The following SH3KBP1 variants were observed in gnomAD, a reference collection of about 807,000 sequenced individuals.
SH3KBP1 encodes the protein SH3 domain containing kinase binding protein 1.
Under a neutral mutation model 50.1 loss-of-function variants are expected in SH3KBP1, and 8 were observed. That is an observed-to-expected ratio of 0.16 (90% CI 0.09 to 0.29). SH3KBP1 has a LOEUF of 0.29. SH3KBP1 is among the 10% of genes least tolerant of loss of function. The probability of loss-of-function intolerance (pLI) is 1.00; values close to 1 mark genes in which losing one functional copy is unlikely to be tolerated. For synonymous variants in SH3KBP1, 227 were observed against 218.6 expected, an observed-to-expected ratio of 1.04 and a Z score of -0.34; for missense variants, 377 against 535.2, an observed-to-expected ratio of 0.70 and a Z score of 2.92.
chrX:19,544,133 A>G (rs1602411327), intron 15 of SH3KBP1, among the ~76,000 whole-genome samples: 1 of 110,860 alleles, frequency 9.0e-6, no homozygotes, highest in East Asian at 2.9e-4. Flanking sequence ...GGGCAGAGAA[A>G]GCCAAAAGCA....
chrX:19,722,531 GGT>G (rs59121045), intron 3 of SH3KBP1, among the ~76,000 whole-genome samples: 12,135 of 100,677 alleles, frequency 0.12, 1,787 homozygotes, highest in African/African-American at 0.4. Flanking sequence ...CAGCTGCACT[GGT>G]GTGTGTGTGT....
Position 19,534,605 on chromosome X carries a change from C to A in SH3KBP1, c.*1812G>T, listed in dbSNP as rs995415588. 3.7e-6 allele frequency: 1 copy of A among 267,611 alleles called. No individual in the cohort carries two copies. Among genetic ancestry groups the A allele is most frequent in the Non-Finnish European group, 6.6e-6 (1 of 152,413 alleles). The allele number at this position is 267,611 out of a possible 1,213,427, so 22.1% of individuals were successfully genotyped here. ...TGTCAAGGGGTACAGGGATGTTTTACGCTGCTCTTGGGAACCTGGCACTCC... is the reference window on the plus strand; with the variant it reads ...TGTCAAGGGGTACAGGGATGTTTTAAGCTGCTCTTGGGAACCTGGCACTCC... On this transcript the variant is annotated 3_prime_UTR_variant, in exon 18 of 18. Transcript: ENST00000397821.
At chrX:19,687,670 G>T (rs2063196755) in intron 5 of SH3KBP1, 1 of 1,205,501 alleles carries the variant, frequency 8.3e-7, no homozygotes, top group Admixed American at 2.2e-5. Flanking sequence ...GTACAGAATT[G>T]TCCCTTCAAA....
At position 19,745,301 on chromosome X, in the gene SH3KBP1, T is replaced by C. The variant is rs889651862; in HGVS notation, c.286+1017A>G. ...TCCAGCCAATATTTGATCTGAATAA[T>C]TCAAAAAGGGAAATGTAACCCAGGG... On this transcript the variant is annotated intron_variant, in intron 3 of 17. Transcript: ENST00000397821. 4.5e-5 allele frequency among the ~76,000 whole-genome samples: 5 copies of C among 112,043 alleles called. No individual in the cohort carries two copies. In the South Asian group the frequency reaches 1.1e-3, roughly 25 times the overall value.
chrX:19,610,497 C>T (rs1246616862), intron 8 of SH3KBP1, among the ~76,000 whole-genome samples: 19 of 112,064 alleles, frequency 1.7e-4, no homozygotes, highest in Non-Finnish European at 9.4e-5. Context: ...TGATGAATGC[C>T]TTATCTTTTC....
intron 6 of SH3KBP1, among the ~76,000 whole-genome samples, chrX:19,663,061 T>C (rs2062502223): frequency 9.0e-6 from 1 of 111,035 alleles, no homozygotes; most frequent in Non-Finnish European, 1.9e-5. Context: ...GATGCCTGAG[T>C]TTTAGGCAAA....
At chrX:19,847,582 G>A (rs1477789773) in intron 1 of SH3KBP1, among the ~76,000 whole-genome samples, 1 of 111,985 alleles carries the variant, frequency 8.9e-6, no homozygotes, top group African/African-American at 3.2e-5. Flanking sequence ...TAGGCTCCCA[G>A]ACATCTAATC....
chrX:19,841,921 G>A (rs1426385053), intron 1 of SH3KBP1, among the ~76,000 whole-genome samples: 9 of 71,545 alleles, frequency 1.3e-4, no homozygotes, highest in Non-Finnish European at 2.0e-4. Flanking sequence ...CGGGGGGGTG[G>A]GGGGGGGCTC....
At position 19,541,947 on chromosome X, in the gene SH3KBP1, C is replaced by T. The variant is rs759110258; in HGVS notation, c.1870G>A (p.Glu624Lys). ...TQVRELRSII[E>K]TMKDQQKREI... Reference sequence around the variant, plus strand: ...CACTTCTGCTGGTCCTTCATGGTCTCGATGATGCTCCTCAGCTCGCGGACC... The same window carrying T: ...CACTTCTGCTGGTCCTTCATGGTCTTGATGATGCTCCTCAGCTCGCGGACC... The change falls in exon 16 of 18, where the codon GAG (glutamate) becomes AAG (lysine). Residue 624 changes from glutamate to lysine, a missense_variant. Glu to Lys is a moderately conservative substitution (Grantham distance 56). This residue lies in a region of SH3KBP1 where 110 missense variants were observed against 124.1 expected (regional missense o/e 0.89). Transcript: ENST00000397821. 1.8e-5 allele frequency: 22 copies of T among 1,208,261 alleles called. No homozygotes were observed. Among genetic ancestry groups the T allele is most frequent in the African/African-American group, 8.8e-5 (5 of 57,103 alleles).
chrX:19,756,958 C>T (rs1442690938), intron 2 of SH3KBP1, among the ~76,000 whole-genome samples: 1 of 109,018 alleles, frequency 9.2e-6, no homozygotes. Context: ...AAGCCACACA[C>T]AATAAACTGA....
intron 9 of SH3KBP1, among the ~76,000 whole-genome samples, chrX:19,598,747 C>T (rs1012056384): frequency 9.0e-6 from 1 of 111,170 alleles, no homozygotes; most frequent in African/African-American, 3.3e-5. Flanking sequence ...CACACAACAT[C>T]GATCAATTAA....
At chrX:19,860,385 T>C (rs1384567988) in intron 1 of SH3KBP1, among the ~76,000 whole-genome samples, 2 of 108,528 alleles carry the variant, frequency 1.8e-5, no homozygotes, top group Non-Finnish European at 3.8e-5. Context: ...AAATATTGTA[T>C]AATTCTACTT....
chrX:19,776,065 T>A (rs2065961370), intron 2 of SH3KBP1, among the ~76,000 whole-genome samples: 1 of 111,435 alleles, frequency 9.0e-6, no homozygotes, highest in South Asian at 3.7e-4. Context: ...CAACAGAGTG[T>A]GCCAAGAATT....
At chrX:19,726,596 A>C (rs1284445036) in intron 3 of SH3KBP1, among the ~76,000 whole-genome samples, 3 of 111,748 alleles carry the variant, frequency 2.7e-5, no homozygotes, top group Non-Finnish European at 5.6e-5. Context: ...AGAGCAGCTT[A>C]ATGTTGTATG....
intron 2 of SH3KBP1, among the ~76,000 whole-genome samples, chrX:19,772,449 G>T (rs995173655): frequency 9.0e-6 from 1 of 111,105 alleles, no homozygotes; most frequent in African/African-American, 3.3e-5. Context: ...AAAAAAATAA[G>T]GCCCAAACAG....
At chrX:19,824,290 T>C (rs1439122319) in intron 2 of SH3KBP1, among the ~76,000 whole-genome samples, 1 of 112,288 alleles carries the variant, frequency 8.9e-6, no homozygotes, top group African/African-American at 3.2e-5. Flanking sequence ...AGAAATAAGA[T>C]GAAAATATTT....
rs1436812998 is a variant in SH3KBP1, at chrX:19,785,219, G to A, written c.163-38778C>T. Among the ~76,000 whole-genome samples, 4 of 110,526 alleles carry A rather than the reference G, an allele frequency of 3.6e-5. No homozygotes were observed. In the East Asian group the frequency reaches 1.1e-3, roughly 31 times the overall value. On this transcript the variant is annotated intron_variant, in intron 2 of 17. Transcript: ENST00000397821. ...TGCCCTTGGTCACAAAAGCAGAAAG[G>A]AAAATTTGCTGGTTTTTCAAGTCAA... is the stretch of plus-strand genomic sequence containing the variant.
At chrX:19,588,855 T>C (rs2066651896) in intron 11 of SH3KBP1, 53 bp from the exon 12 acceptor site, 1 of 971,944 alleles carries the variant, frequency 1.0e-6, no homozygotes, top group Non-Finnish European at 1.4e-6. Context: ...GTGACAGTAC[T>C]TAGATGCAGA....
chrX:19,614,186 G>A lies in SH3KBP1; in HGVS notation c.898-6141C>T, dbSNP rs770954596. ...AAGGCCCCGGGGTGTGTCTGAGGAA[G>A]GAGGCCTTGCCCAGACTTCAGTATC... On this transcript the variant is annotated intron_variant, in intron 8 of 17. Coordinates refer to ENST00000397821, the MANE Select transcript of SH3KBP1 (RefSeq NM_031892.3). 3.2e-4 allele frequency among the ~76,000 whole-genome samples: 36 copies of A among 112,817 alleles called. 1 individual carries two copies. Among genetic ancestry groups the A allele is most frequent in the Admixed American group, 1.9e-4 (2 of 10,739 alleles).
Sources: gnomAD v4.1 joint callset for allele counts (sites outside exome capture counted in the v4.1 genomes callset) on GRCh38, gnomAD v4.1.1 for gene constraint, gnomAD v4.1.1 regional missense constraint, MANE v1.5 for transcripts, NCBI Gene and HGNC (gene_info 2026-07-23, HGNC 2026-07-21) for gene names.